PRKCE: variants seen among roughly 807,000 people sequenced by gnomAD.
PRKCE encodes the protein protein kinase C epsilon.
A neutral mutation model predicts 85.4 loss-of-function variants in PRKCE; 16 were observed. The observed-to-expected ratio is 0.19, with a 90% CI of 0.13 to 0.28. The LOEUF is 0.28. PRKCE is among the 10% of genes least tolerant of loss of function. The probability of loss-of-function intolerance (pLI) is 1.00; values close to 1 mark genes in which losing one functional copy is unlikely to be tolerated. For missense variants in PRKCE, 573 were observed against 975.2 expected, an observed-to-expected ratio of 0.59 and a Z score of 5.49; for synonymous variants, 388 against 371.5, an observed-to-expected ratio of 1.04 and a Z score of -0.51.
chr2:45,689,799 G>T (rs955116547), intron 1 of PRKCE, among the ~76,000 whole-genome samples: 6 of 151,552 alleles, frequency 4.0e-5, no homozygotes, highest in African/African-American at 1.5e-4. Context: ...GGGAGGTGGA[G>T]GCAGGAGAAT....
intron 1 of PRKCE, among the ~76,000 whole-genome samples, chr2:45,800,771 G>A (rs543982536): frequency 6.6e-6 from 1 of 152,318 alleles, no homozygotes; most frequent in Admixed American, 6.5e-5. Flanking sequence ...TAACAGTAGA[G>A]CTGGCTTCCT....
At chr2:46,093,519 A>G (rs1670382642) in intron 11 of PRKCE, among the ~76,000 whole-genome samples, 1 of 134,064 alleles carries the variant, frequency 7.5e-6, no homozygotes, top group South Asian at 2.4e-4. Context: ...ACATTATCTT[A>G]TTGTACTTTT....
At chr2:46,032,839 T>G (rs1558984391) in intron 10 of PRKCE, among the ~76,000 whole-genome samples, 1 of 152,242 alleles carries the variant, frequency 6.6e-6, no homozygotes, top group Non-Finnish European at 1.5e-5. Context: ...TATCGAAAGA[T>G]TTCATGTTTC....
intron 1 of PRKCE, among the ~76,000 whole-genome samples, chr2:45,788,792 C>T (rs574056472): frequency 3.5e-4 from 53 of 152,250 alleles, no homozygotes; most frequent in African/African-American, 1.2e-3. Context: ...GTGCTATTCT[C>T]GGGATTTTTA....
chr2:45,982,356 C>T (rs537590357), intron 5 of PRKCE, among the ~76,000 whole-genome samples: 4 of 152,338 alleles, frequency 2.6e-5, no homozygotes, highest in African/African-American at 7.2e-5. Flanking sequence ...TAGCCCTAAA[C>T]ACCATGCTTT....
chr2:45,706,837 C>T (rs906764963), intron 1 of PRKCE, among the ~76,000 whole-genome samples: 2 of 152,170 alleles, frequency 1.3e-5, no homozygotes, highest in African/African-American at 4.8e-5. Context: ...TGAACTGTGT[C>T]TTTTAGTTAC....
At chr2:46,087,506 C>A (rs1209547010) in intron 11 of PRKCE, among the ~76,000 whole-genome samples, 1 of 152,208 alleles carries the variant, frequency 6.6e-6, no homozygotes, top group African/African-American at 2.4e-5. Flanking sequence ...TCCAGGCTTC[C>A]CTTCCTTCTG....
chr2:46,061,956 G>A (rs1018786690), intron 10 of PRKCE, among the ~76,000 whole-genome samples: 6 of 148,936 alleles, frequency 4.0e-5, no homozygotes, highest in African/African-American at 1.3e-4. Flanking sequence ...TCCCGGGTTC[G>A]GGTTCAAGAG....
chr2:45,954,817 C>T (rs1700862275), intron 2 of PRKCE, among the ~76,000 whole-genome samples: 2 of 152,164 alleles, frequency 1.3e-5, no homozygotes, highest in Non-Finnish European at 2.9e-5. Flanking sequence ...TGTGAAAAGA[C>T]ATTTTAATCA....
chr2:45,670,329 G>T (rs183694883), intron 1 of PRKCE, among the ~76,000 whole-genome samples: 8 of 152,248 alleles, frequency 5.3e-5, no homozygotes, highest in Non-Finnish European at 8.8e-5. Flanking sequence ...GAGAATAAAG[G>T]CATATCCTGT....
chr2:46,001,532 C>G lies in PRKCE; in HGVS notation c.952C>G (p.Gln318Glu). ...CCCAGACAAAATCACCAACAGCGGC[C>G]AGAGAAGGAAAAAGGTAACTGGCTG... ...VTPDKITNSG[Q>E]RRKKLIAGAE... The change falls in exon 7 of 15, where the codon CAG becomes GAG. Residue 318 changes from glutamine (Q) to glutamate (E), a missense_variant. Around this residue, in one of 11 missense-constraint regions of PRKCE, gnomAD observed 55 missense variants for 128.1 expected, o/e 0.43. Coordinates refer to ENST00000306156, the MANE Select transcript of PRKCE (RefSeq NM_005400.3). The surrounding 1 kb of genome is among the most constrained non-coding windows in gnomAD (Gnocchi z 4.4). 1 of 1,598,568 alleles carries G rather than the reference C, an allele frequency of 6.3e-7. No individual in the cohort carries two copies. Among genetic ancestry groups the G allele is most frequent in the Non-Finnish European group, 8.5e-7 (1 of 1,179,388 alleles).
intron 2 of PRKCE, chr2:45,845,392 T>TA (rs1362539253): frequency 2.2e-5 from 3 of 137,744 alleles, no homozygotes; most frequent in Non-Finnish European, 4.8e-5. Flanking sequence ...TTTTTTTTTT[T>TA]AGTGAAAATA....
At chr2:46,122,473 C>A (rs1292115468) in intron 11 of PRKCE, among the ~76,000 whole-genome samples, 1 of 152,108 alleles carries the variant, frequency 6.6e-6, no homozygotes. Context: ...AGTGATCCAT[C>A]CACCTTGGCC....
chr2:46,087,198 G>A (rs919782315), intron 11 of PRKCE, among the ~76,000 whole-genome samples: 4 of 147,986 alleles, frequency 2.7e-5, no homozygotes, highest in East Asian at 3.9e-4. Context: ...AGCTGGCTTC[G>A]TTTCACCTAG....
intron 14 of PRKCE, among the ~76,000 whole-genome samples, chr2:46,181,773 C>G (rs568114362): frequency 6.6e-6 from 1 of 152,320 alleles, no homozygotes; most frequent in South Asian, 2.1e-4. Flanking sequence ...TCTTCATACA[C>G]AGGTTCCCCT....
chr2:46,026,842 G>A (rs1473275731), intron 10 of PRKCE, among the ~76,000 whole-genome samples: 2 of 152,138 alleles, frequency 1.3e-5, no homozygotes, highest in Non-Finnish European at 2.9e-5. Flanking sequence ...CCCCAAACAG[G>A]CGAGACTAAA....
Position 45,652,592 on chromosome 2 carries a change from C to T in PRKCE, c.348+144C>T. On this transcript the variant is annotated intron_variant, in intron 1 of 14. Transcript: ENST00000306156. This position sits in a 1 kb window ranked among gnomAD's most constrained non-coding sequence, Gnocchi z 7.7. ...AAGTCTCAGTTTCCTTGGGGAGGTACACTTCACTTCATAGTTGGGGAGAAA... is the reference window on the plus strand; with the variant it reads ...AAGTCTCAGTTTCCTTGGGGAGGTATACTTCACTTCATAGTTGGGGAGAAA... 5.1e-6 allele frequency: 4 copies of T among 788,978 alleles called. No homozygotes were observed. Among genetic ancestry groups the T allele is most frequent in the Non-Finnish European group, 7.9e-6 (4 of 509,486 alleles). 48.9% of individuals were successfully genotyped at this position (788,978 alleles called of 1,614,324 possible). A position where few individuals can be genotyped will look rare whatever the true frequency, so the allele number is the denominator to read the frequency against.
intron 1 of PRKCE, among the ~76,000 whole-genome samples, chr2:45,695,316 G>A (rs1678055002): frequency 6.6e-6 from 1 of 152,098 alleles, no homozygotes; most frequent in Non-Finnish European, 1.5e-5. Flanking sequence ...CCACAGAAAA[G>A]AACCCAGAGT....
chr2:45,655,200 C>T (rs140324914), intron 1 of PRKCE, among the ~76,000 whole-genome samples: 1 of 152,288 alleles, frequency 6.6e-6, no homozygotes, highest in Non-Finnish European at 1.5e-5. Context: ...TCTCAAGGGG[C>T]TTCCATTTCA....
Sources: allele counts gnomAD v4.1 joint callset (sites outside exome capture counted in the v4.1 genomes callset), GRCh38; gene constraint gnomAD v4.1.1; regional missense constraint gnomAD v4.1.1; non-coding constraint Gnocchi (gnomAD v3.1); transcripts MANE v1.5; gene names NCBI Gene and HGNC (gene_info 2026-07-23, HGNC 2026-07-21).